The following RANBP2 variants were observed in gnomAD, a reference collection of about 807,000 sequenced individuals.
RANBP2 encodes the protein E3 SUMO-protein ligase RanBP2.
In RANBP2, 57 loss-of-function variants were observed where a neutral mutation model predicts 303.6. The ratio of observed to expected loss-of-function variants is 0.19; its 90% CI spans 0.15 to 0.23. RANBP2 has a LOEUF of 0.23. Ranked by LOEUF, RANBP2 falls within the 10% of genes least tolerant of loss-of-function variation. The pLI, the probability that RANBP2 is intolerant of heterozygous loss-of-function variation, is 1.00. For missense variants in RANBP2, 3,138 were observed against 3,780.8 expected (o/e 0.83, Z 4.46); for synonymous variants, 1,167 against 1,301.5 (o/e 0.90, Z 2.23).
the RANBP2 span, among the ~76,000 whole-genome samples, chr2:109,665,493 C>CATG: frequency 6.6e-6 from 1 of 152,034 alleles, no homozygotes; most frequent in Non-Finnish European, 1.5e-5. Flanking sequence ...AGGCACATGC[C>CATG]ATGACGCCCA....
the RANBP2 span, among the ~76,000 whole-genome samples, chr2:108,802,202 C>G: frequency 7.9e-6 from 1 of 126,424 alleles, no homozygotes; most frequent in Non-Finnish European, 1.6e-5. Flanking sequence ...GGCATTGAAT[C>G]TGTAAATTAC....
the RANBP2 span, among the ~76,000 whole-genome samples, chr2:109,388,807 G>A: frequency 1.3e-4 from 20 of 150,316 alleles, no homozygotes; most frequent in African/African-American, 4.9e-4. Flanking sequence ...TGTTCTCCTA[G>A]GGTTGCTCTG....
the RANBP2 span, among the ~76,000 whole-genome samples, chr2:109,433,124 C>G: frequency 5.3e-5 from 8 of 152,198 alleles, no homozygotes; most frequent in African/African-American, 1.9e-4. Flanking sequence ...CGTGCGTATG[C>G]ATACTGTAAG....
At chr2:109,024,654 C>T in the RANBP2 span, among the ~76,000 whole-genome samples, 342 of 152,318 alleles carry the variant, frequency 2.2e-3, 1 homozygote, top group African/African-American at 8.0e-3. Context: ...AGGGTGTCCA[C>T]TTCATCCTAT....
chr2:109,138,995 G>A, the RANBP2 span, among the ~76,000 whole-genome samples: 6 of 152,344 alleles, frequency 3.9e-5, no homozygotes, highest in East Asian at 1.2e-3. Flanking sequence ...ATGAAGACAA[G>A]GGGCCACAGC....
the RANBP2 span, among the ~76,000 whole-genome samples, chr2:109,518,900 G>A: frequency 3.5e-3 from 521 of 149,894 alleles, 5 homozygotes; most frequent in African/African-American, 0.013. Flanking sequence ...GAGAGGTGGG[G>A]AAGGTGCTAC....
chr2:108,962,568 G>C, the RANBP2 span, among the ~76,000 whole-genome samples: 2 of 151,222 alleles, frequency 1.3e-5, no homozygotes, highest in Non-Finnish European at 1.5e-5. Context: ...CCAGCTACTC[G>C]GGAGGCTGAG....
the RANBP2 span, among the ~76,000 whole-genome samples, chr2:109,125,341 C>T: frequency 2.0e-5 from 3 of 152,294 alleles, no homozygotes; most frequent in Non-Finnish European, 2.9e-5. Context: ...CCATGTGGAG[C>T]GTCTTCCAAA....
At chr2:109,095,098 T>G in the RANBP2 span, among the ~76,000 whole-genome samples, 1 of 152,204 alleles carries the variant, frequency 6.6e-6, no homozygotes, top group Admixed American at 6.5e-5. Context: ...TTTTGAAAAT[T>G]GTTCAATTTA....
the RANBP2 span, among the ~76,000 whole-genome samples, chr2:109,430,639 T>A: frequency 6.6e-6 from 1 of 152,222 alleles, no homozygotes; most frequent in African/African-American, 2.4e-5. Flanking sequence ...CAGTTGTTTG[T>A]CATTTTCACT....
rs1371742806 is a variant in RANBP2, at chr2:108,764,815, G to A, written c.4276G>A (p.Val1426Ile). 1 of 1,614,044 alleles carries A rather than the reference G, an allele frequency of 6.2e-7. No individual in the cohort carries two copies. The highest frequency in any genetic ancestry group is 8.5e-7 in the Non-Finnish European group (1 of 1,179,986). ...EGHWDCSICL[V>I]RNEPTVSRCI... is the part of the protein sequence containing the mutation. ...TCACTGGGATTGTAGTATTTGTTTA[G>A]TAAGAAATGAACCTACTGTATCTAG... The change falls in exon 20 of 29, where the codon GTA (valine) becomes ATA (isoleucine). Residue 1426 changes from valine (V) to isoleucine (I), a missense_variant. Val to Ile is a conservative substitution (Grantham distance 29). Transcript: ENST00000283195.
the RANBP2 span, among the ~76,000 whole-genome samples, chr2:109,078,242 AGCG>A: frequency 1.6e-4 from 5 of 30,958 alleles, no homozygotes; most frequent in African/African-American, 2.8e-4. Context: ...ATATATATAT[AGCG>A]TGTATATATA....
chr2:109,485,151 G>A, the RANBP2 span, among the ~76,000 whole-genome samples: 23 of 152,208 alleles, frequency 1.5e-4, no homozygotes, highest in Non-Finnish European at 2.8e-4. Context: ...CTGACCCAGC[G>A]TTTGGTGTGT....
chr2:109,162,120 C>T, the RANBP2 span, among the ~76,000 whole-genome samples: 6 of 152,274 alleles, frequency 3.9e-5, no homozygotes, highest in African/African-American at 1.4e-4. Context: ...GGATGGACAC[C>T]TGCTTGTTTT....
chr2:109,198,209 A>G, the RANBP2 span, among the ~76,000 whole-genome samples: 4 of 152,204 alleles, frequency 2.6e-5, no homozygotes, highest in Non-Finnish European at 4.4e-5. Flanking sequence ...CATGGCCTGC[A>G]TAGGTTGTAA....
the RANBP2 span, among the ~76,000 whole-genome samples, chr2:109,266,755 T>C: frequency 2.0e-5 from 3 of 152,178 alleles, no homozygotes; most frequent in Non-Finnish European, 2.9e-5. Flanking sequence ...ATTAACAGCC[T>C]AACAAGAGAC....
chr2:108,752,015 A>T, intron 12 of RANBP2, 21 bp downstream of exon 12: 1 of 1,611,172 alleles, frequency 6.2e-7, no homozygotes, highest in Non-Finnish European at 8.5e-7. Flanking sequence ...AAGTATAAGC[A>T]TTTTTAAAGA....
intron 17 of RANBP2, 42 bp from the exon 18 acceptor site, chr2:108,758,371 A>G: frequency 1.2e-6 from 2 of 1,610,986 alleles, no homozygotes; most frequent in Non-Finnish European, 1.7e-6. Context: ...TCATGATATA[A>G]TTAAATGTTT....
the RANBP2 span, among the ~76,000 whole-genome samples, chr2:108,871,571 T>A: frequency 6.6e-6 from 1 of 151,812 alleles, no homozygotes; most frequent in Non-Finnish European, 1.5e-5. Flanking sequence ...TAAAAGTTCC[T>A]TCTGTTAAAA....
Sources: gnomAD v4.1 joint callset for allele counts (sites outside exome capture counted in the v4.1 genomes callset) on GRCh38, gnomAD v4.1.1 for gene constraint, MANE v1.5 for transcripts, NCBI Gene and HGNC (gene_info 2026-07-23, HGNC 2026-07-21) for gene names.